BMPR1B: variants seen among roughly 807,000 people sequenced by gnomAD.
BMPR1B encodes the protein bone morphogenetic protein receptor type 1B, also known as bone morphogenetic protein receptor type-1B.
BMPR1B carries 12 observed loss-of-function variants against 59.1 expected under a neutral mutation model. The ratio of observed to expected loss-of-function variants is 0.20; its 90% confidence interval spans 0.13 to 0.33. The LOEUF is 0.33. Ranked by LOEUF, BMPR1B falls within the 10% of genes least tolerant of loss-of-function variation. The pLI is 1.00. For synonymous variants in BMPR1B, 237 were observed against 207.3 expected (o/e 1.14, Z -1.23); for missense variants, 550 against 610.9 (o/e 0.90, Z 1.05).
chr4:94,780,096 A>G (rs1722531060), intron 1 of BMPR1B, among the ~76,000 whole-genome samples: 1 of 151,982 alleles, frequency 6.6e-6, no homozygotes, highest in Non-Finnish European at 1.5e-5. Flanking sequence ...TGCCTGCTAG[A>G]TTTGGTTTGC....
At chr4:94,963,071 T>TAGTG (rs1730430899) in intron 2 of BMPR1B, among the ~76,000 whole-genome samples, 1 of 152,206 alleles carries the variant, frequency 6.6e-6, no homozygotes, top group East Asian at 1.9e-4. Flanking sequence ...TTCTGATGAT[T>TAGTG]AGTGATATGG....
At chr4:94,760,564 T>G (rs531552335) in intron 1 of BMPR1B, among the ~76,000 whole-genome samples, 1 of 152,354 alleles carries the variant, frequency 6.6e-6, no homozygotes, top group African/African-American at 2.4e-5. Context: ...CTAAAGTCAG[T>G]TGTCACCTAC....
intron 1 of BMPR1B, among the ~76,000 whole-genome samples, chr4:94,841,156 C>T (rs1289360340): frequency 6.7e-6 from 1 of 149,682 alleles, no homozygotes; most frequent in African/African-American, 2.5e-5. Context: ...AGAACCACTG[C>T]TCTCTTCAAA....
At chr4:95,046,177 G>T (rs994383786) in intron 3 of BMPR1B, among the ~76,000 whole-genome samples, 3 of 152,016 alleles carry the variant, frequency 2.0e-5, no homozygotes, top group Non-Finnish European at 4.4e-5. Flanking sequence ...CCTAATAACT[G>T]GGACTATAGC....
chr4:94,845,584 C>T (rs996954772), intron 1 of BMPR1B, among the ~76,000 whole-genome samples: 1 of 152,132 alleles, frequency 6.6e-6, no homozygotes, highest in Admixed American at 6.5e-5. Context: ...CCTTGTGAGC[C>T]ACTCGCCTGG....
intron 2 of BMPR1B, among the ~76,000 whole-genome samples, chr4:94,955,087 A>C (rs989013689): frequency 6.6e-6 from 1 of 152,156 alleles, no homozygotes; most frequent in African/African-American, 2.4e-5. Context: ...GCATATTTCT[A>C]TCTCTGTAGT....
At chr4:94,847,410 A>G (rs1332880795) in intron 1 of BMPR1B, among the ~76,000 whole-genome samples, 1 of 152,218 alleles carries the variant, frequency 6.6e-6, no homozygotes, top group Non-Finnish European at 1.5e-5. Context: ...GGACTACCAT[A>G]TGATCCAGCC....
intron 2 of BMPR1B, among the ~76,000 whole-genome samples, chr4:94,953,395 G>GT (rs1346307468): frequency 6.6e-6 from 1 of 152,124 alleles, no homozygotes; most frequent in Non-Finnish European, 1.5e-5. Context: ...ACAGTGGCTG[G>GT]TACCGGTTTT....
chr4:94,859,835 A>G (rs1169853802), intron 1 of BMPR1B, among the ~76,000 whole-genome samples: 1 of 152,164 alleles, frequency 6.6e-6, no homozygotes, highest in East Asian at 1.9e-4. Context: ...TTAATTGCAT[A>G]TAAATTACTA....
At chr4:95,075,366 A>G (rs576124080) in intron 3 of BMPR1B, among the ~76,000 whole-genome samples, 17 of 152,270 alleles carry the variant, frequency 1.1e-4, no homozygotes, top group African/African-American at 3.9e-4. Flanking sequence ...TTAATAGTGA[A>G]TCTATTGTTG....
At chr4:94,893,779 A>C (rs1384627045) in intron 2 of BMPR1B, among the ~76,000 whole-genome samples, 1 of 94,594 alleles carries the variant, frequency 1.1e-5, no homozygotes, top group Non-Finnish European at 2.3e-5. Context: ...GATATTAAAC[A>C]AACAAACAAA....
intron 3 of BMPR1B, among the ~76,000 whole-genome samples, chr4:95,091,898 T>C (rs1418319033): frequency 6.6e-6 from 1 of 152,104 alleles, no homozygotes; most frequent in Non-Finnish European, 1.5e-5. Context: ...ATATGTATTA[T>C]TTTAACTTTT....
chr4:94,954,572 T>C (rs1409369390), intron 2 of BMPR1B, among the ~76,000 whole-genome samples: 2 of 152,208 alleles, frequency 1.3e-5, no homozygotes, highest in African/African-American at 4.8e-5. Context: ...ATAAAGAGAC[T>C]AGTTAAGCAT....
intron 2 of BMPR1B, among the ~76,000 whole-genome samples, chr4:94,974,082 T>G (rs990364348): frequency 6.6e-6 from 1 of 152,188 alleles, no homozygotes; most frequent in Non-Finnish European, 1.5e-5. Context: ...TTATTAAAAA[T>G]TATACTGATT....
intron 1 of BMPR1B, among the ~76,000 whole-genome samples, chr4:94,823,926 T>G (rs1392123315): frequency 2.6e-5 from 4 of 152,118 alleles, no homozygotes; most frequent in African/African-American, 9.7e-5. Context: ...TTTTGTATTT[T>G]TAGTAGAGAC....
At chr4:95,123,014 C>T (rs1287613538) in intron 6 of BMPR1B, among the ~76,000 whole-genome samples, 2 of 151,884 alleles carry the variant, frequency 1.3e-5, no homozygotes, top group Non-Finnish European at 2.9e-5. Flanking sequence ...GTAAAATTTA[C>T]CTGGGATGAT....
chr4:95,139,902 CA>C, intron 10 of BMPR1B, among the ~76,000 whole-genome samples: 1 of 152,330 alleles, frequency 6.6e-6, no homozygotes, highest in South Asian at 2.1e-4. Flanking sequence ...CGATATGCCC[CA>C]CCCTGCTTCG....
chr4:94,864,859 T>TA (rs1322791221), intron 1 of BMPR1B, among the ~76,000 whole-genome samples: 4 of 152,192 alleles, frequency 2.6e-5, no homozygotes, highest in African/African-American at 9.6e-5. Flanking sequence ...AACCCATAGT[T>TA]ACAGAGGGCT....
chr4:94,872,391 C>T (rs1401842557), intron 1 of BMPR1B, among the ~76,000 whole-genome samples: 2 of 152,066 alleles, frequency 1.3e-5, no homozygotes, highest in Non-Finnish European at 2.9e-5. Context: ...AGTATAAAAG[C>T]CCCTATCAAT....
Sources: allele counts gnomAD v4.1 joint callset (sites outside exome capture counted in the v4.1 genomes callset), GRCh38; gene constraint gnomAD v4.1.1; transcripts MANE v1.5; gene names NCBI Gene and HGNC (gene_info 2026-07-23, HGNC 2026-07-21).